Variants in FER1L5 observed in about 807,000 individuals in gnomAD.
The protein encoded by FER1L5 is fer-1 like family member 5, also known as fer-1-like protein 5.
A neutral mutation model predicts 279.9 loss-of-function variants in FER1L5; 187 were observed. The ratio of observed to expected loss-of-function variants is 0.67; its 90% CI spans 0.59 to 0.75. The LOEUF is 0.75. Among genes scored for constraint, FER1L5 ranks in the 30% least tolerant of loss-of-function variants. The pLI, the probability that FER1L5 is intolerant of heterozygous loss-of-function variation, is 0.00. For missense variants in FER1L5, 2,091 were observed against 2,594.4 expected (o/e 0.81, Z 4.21); for synonymous variants, 921 against 989.7 (o/e 0.93, Z 1.30).
At position 96,671,106 on chromosome 2, in the gene FER1L5, C is replaced by CAAAAA. The variant is rs750341048; in HGVS notation, c.1491+877_1491+881dup. Reference sequence around the variant, plus strand: ...TGGGTGACAGAGTGAGACTCCATCTCAAAAAAAAAAAAAAAAAAAAAAGGA... The same window carrying CAAAAA: ...TGGGTGACAGAGTGAGACTCCATCTCAAAAAAAAAAAAAAAAAAAAAAAAAAAGGA... On this transcript the variant is annotated intron_variant, in intron 18 of 52. Transcript: ENST00000624922. Among the ~76,000 whole-genome samples, 45 of 40,220 alleles carry CAAAAA rather than the reference C, an allele frequency of 1.1e-3. 5 individuals are homozygous for CAAAAA. Among genetic ancestry groups the CAAAAA allele is most frequent in the African/African-American group, 5.7e-3 (43 of 7,536 alleles). The allele number at this position is 40,220 out of a possible 152,430, so 26.4% of individuals were successfully genotyped here.
Position 96,659,290 on chromosome 2 carries a change from T to TTGCCTTCC in FER1L5, c.748-1050_748-1049insGCCTTCCT, listed in dbSNP as rs1553449027. Among the ~76,000 whole-genome samples the TTGCCTTCC allele has an allele frequency of 4.2e-4, 34 of 81,030 alleles. 2 individuals carry two copies. The highest frequency in any genetic ancestry group is 6.4e-4 in the African/African-American group (13 of 20,368). 53.2% of individuals were successfully genotyped at this position (81,030 alleles called of 152,430 possible). A position where few individuals can be genotyped will look rare whatever the true frequency, so the allele number is the denominator to read the frequency against. On this transcript the variant is annotated intron_variant, in intron 9 of 52. Transcript: ENST00000624922. ...TTTGATGAAGTCCAATTTATCAAGC[T>TTGCCTTCC]TTCCTTCCTTCCTTCCTTCCTTCCT...
At chr2:96,659,358 C>CTTCCTTCT (rs2075779762) in intron 9 of FER1L5, among the ~76,000 whole-genome samples, 11 of 60,608 alleles carry the variant, frequency 1.8e-4, no homozygotes, top group Non-Finnish European at 1.8e-4. Context: ...TCCTTCCTTC[C>CTTCCTTCT]TTCCTTCTTT....
chr2:96,646,568 C>T (rs532606570), intron 2 of FER1L5, 115 bp downstream of exon 2: 1 of 1,093,998 alleles, frequency 9.1e-7, no homozygotes, highest in Non-Finnish European at 1.3e-6. Context: ...ACCTCACAGG[C>T]TTTCCTCAAG....
intron 37 of FER1L5, among the ~76,000 whole-genome samples, chr2:96,696,719 G>A (rs1558924850): frequency 6.6e-6 from 1 of 152,028 alleles, no homozygotes; most frequent in Non-Finnish European, 1.5e-5. Context: ...TGGCCAACAC[G>A]GTGAAACCCC....
chr2:96,649,512 G>A (rs529493287), intron 4 of FER1L5, 111 bp from the exon 5 acceptor site: 67 of 975,900 alleles, frequency 6.9e-5, no homozygotes, highest in African/African-American at 5.7e-4. Context: ...CTAGCATCAC[G>A]GCCCCCACCA....
Position 96,700,363 on chromosome 2 carries a change from A to C in FER1L5, c.4962A>C (p.Gly1654=). The change falls in exon 45 of 53, where the codon GGA becomes GGC. Residue 1654 remains glycine, a synonymous_variant. Transcript: ENST00000624922. ...EPKTPTVHGL[G]PKKERLALYL... ...AAACCCCTACTGTTCATGGTTTGGG[A>C]CCCAAGAAGGAACGCCTTGCACTGT... 1 of 1,613,584 alleles carries C rather than the reference A, an allele frequency of 6.2e-7. No individual in the cohort carries two copies.
At chr2:96,687,724 G>C in intron 23 of FER1L5, 92 bp from the exon 24 acceptor site, 1 of 1,474,522 alleles carries the variant, frequency 6.8e-7, no homozygotes, top group Non-Finnish European at 9.0e-7. Flanking sequence ...GGGCTCAGGG[G>C]GGAAGGGGCA....
chr2:96,659,366 T>TTCCTTCCTTCC (rs1573816278), intron 9 of FER1L5, among the ~76,000 whole-genome samples: 18 of 15,564 alleles, frequency 1.2e-3, no homozygotes, highest in East Asian at 2.6e-3. Context: ...TCCTTCCTTC[T>TTCCTTCCTTCC]TTCTTTCTTT....
At chr2:96,659,501 C>CTTTCT (rs2075857939) in intron 9 of FER1L5, among the ~76,000 whole-genome samples, 2 of 47,806 alleles carry the variant, frequency 4.2e-5, no homozygotes, top group Middle Eastern at 0.014. Flanking sequence ...TTCTTTCTTT[C>CTTTCT]TTTCTTTCGA....
At chr2:96,678,416 C>T (rs1240322422) in intron 19 of FER1L5, among the ~76,000 whole-genome samples, 1 of 149,582 alleles carries the variant, frequency 6.7e-6, no homozygotes, top group Non-Finnish European at 1.5e-5. Flanking sequence ...CAGGTGTGAG[C>T]CACTGCACTC....
At chr2:96,701,752 T>C (rs1319364735) in intron 45 of FER1L5, among the ~76,000 whole-genome samples, 1 of 152,002 alleles carries the variant, frequency 6.6e-6, no homozygotes, top group Non-Finnish European at 1.5e-5. Flanking sequence ...TGTCCCAATC[T>C]CCCTGCACTA....
chr2:96,651,523 A>T (rs564196731), intron 6 of FER1L5, among the ~76,000 whole-genome samples: 1 of 128,908 alleles, frequency 7.8e-6, no homozygotes, highest in African/African-American at 3.0e-5. Flanking sequence ...CTTTTTTGAG[A>T]TGGAGTCTTG....
intron 13 of FER1L5, among the ~76,000 whole-genome samples, chr2:96,663,022 T>C (rs1266891619): frequency 6.6e-6 from 1 of 152,230 alleles, no homozygotes; most frequent in Non-Finnish European, 1.5e-5. Context: ...ATTCCACAGA[T>C]ACCACTGCTT....
At chr2:96,644,631 GA>G (rs1260773296) in intron 1 of FER1L5, among the ~76,000 whole-genome samples, 2 of 152,188 alleles carry the variant, frequency 1.3e-5, no homozygotes, top group Admixed American at 6.5e-5. Context: ...GGGCCCAAGA[GA>G]AAAGAGGACA....
chr2:96,694,937 G>A lies in FER1L5; in HGVS notation c.3741+473G>A, dbSNP rs1175242856. 6.4e-6 allele frequency: 1 copy of A among 155,206 alleles called. No homozygotes were observed. The highest frequency in any genetic ancestry group is 2.4e-5 in the African/African-American group (1 of 41,562). 9.6% of individuals were successfully genotyped at this position (155,206 alleles called of 1,614,324 possible). Reference sequence around the variant, plus strand: ...TGCCCTGCCGCAAATGTGGCAAAGAGCACAAGACGGTCAGGCCTCTGGGAC... The same window carrying A: ...TGCCCTGCCGCAAATGTGGCAAAGAACACAAGACGGTCAGGCCTCTGGGAC... On this transcript the variant is annotated intron_variant, in intron 34 of 52. Coordinates refer to ENST00000624922, the MANE Select transcript of FER1L5 (RefSeq NM_001293083.2). This position sits in a 1 kb window ranked among gnomAD's most constrained non-coding sequence, Gnocchi z 4.6.
rs188275173 is a variant in FER1L5 at position 96,692,959 on chromosome 2, C to T, written c.3293-547C>T. ...TTGGGAGGCCAAGGTGGGCCGATCACGAGGTCAGGAATTCGAGACCAGCCT... is the reference window on the plus strand; with the variant it reads ...TTGGGAGGCCAAGGTGGGCCGATCATGAGGTCAGGAATTCGAGACCAGCCT... On this transcript the variant is annotated intron_variant, in intron 31 of 52. Transcript: ENST00000624922. Among the ~76,000 whole-genome samples the T allele has an allele frequency of 3.4e-4, 52 of 152,158 alleles. 1 individual carries two copies. The highest frequency in any genetic ancestry group is 1.2e-3 in the African/African-American group (49 of 41,538).
rs367734500 is a variant in FER1L5 at position 96,697,594 on chromosome 2, C to G, written c.4134+18C>G. ...AAGCAGAGGTGATGAAGGCTCAGCCCCATTCAGTGCAGGGAGGTGGGGGGC... is the reference window on the plus strand; with the variant it reads ...AAGCAGAGGTGATGAAGGCTCAGCCGCATTCAGTGCAGGGAGGTGGGGGGC... On this transcript the variant is annotated intron_variant, in intron 38 of 52. Coordinates refer to ENST00000624922, the MANE Select transcript of FER1L5 (RefSeq NM_001293083.2). 8 of 1,613,764 alleles carry G rather than the reference C, an allele frequency of 5.0e-6. No homozygotes were observed. In the African/African-American group the frequency reaches 9.3e-5, roughly 19 times the overall value.
intron 38 of FER1L5, 41 bp from the exon 39 acceptor site, chr2:96,697,619 C>T: frequency 6.2e-7 from 1 of 1,613,734 alleles, no homozygotes; most frequent in South Asian, 1.1e-5. Flanking sequence ...AGGTGGGGGG[C>T]TGCCCCTGCC....
At chr2:96,659,647 A>T (rs1001361964) in intron 9 of FER1L5, among the ~76,000 whole-genome samples, 3 of 149,932 alleles carry the variant, frequency 2.0e-5, no homozygotes, top group African/African-American at 7.4e-5. Context: ...GCCCGCCACC[A>T]CGCCCGGCTA....
Sources: allele counts gnomAD v4.1 joint callset (sites outside exome capture counted in the v4.1 genomes callset), GRCh38; gene constraint gnomAD v4.1.1; non-coding constraint Gnocchi (gnomAD v3.1); transcripts MANE v1.5; gene names NCBI Gene and HGNC (gene_info 2026-07-23, HGNC 2026-07-21).